Variants in COL25A1 observed in about 807,000 individuals in gnomAD.
The protein encoded by COL25A1 is collagen type XXV alpha 1 chain, also known as collagen alpha-1(XXV) chain.
COL25A1 carries 103 observed loss-of-function variants against 128.4 expected under a neutral mutation model. The observed-to-expected ratio is 0.80, with a 90% CI of 0.68 to 0.94. The LOEUF (loss-of-function observed/expected upper bound fraction) is 0.94, where lower values mean the gene tolerates loss of function less well. COL25A1 is among the 40% of genes least tolerant of loss of function. COL25A1 has a pLI of 0.00. For missense variants in COL25A1, 745 were observed against 840.0 expected, an observed-to-expected ratio of 0.89 and a Z score of 1.40; for synonymous variants, 279 against 277.2, an observed-to-expected ratio of 1.01 and a Z score of -0.06.
chr4:109,012,624 A>G (rs1281915396), intron 5 of COL25A1, among the ~76,000 whole-genome samples: 1 of 152,064 alleles, frequency 6.6e-6, no homozygotes, highest in Non-Finnish European at 1.5e-5. Flanking sequence ...CACCTGGGCC[A>G]GCAGCTGCAG....
chr4:108,989,701 T>G (rs573407879), intron 6 of COL25A1, among the ~76,000 whole-genome samples: 149 of 152,302 alleles, frequency 9.8e-4, no homozygotes, highest in African/African-American at 3.6e-3. Flanking sequence ...CTCACTGTGC[T>G]AACCAGATTT....
At chr4:108,952,831 C>CTTTTTTTTTT (rs59761040) in intron 8 of COL25A1, among the ~76,000 whole-genome samples, 1 of 66,958 alleles carries the variant, frequency 1.5e-5, no homozygotes, top group Non-Finnish European at 2.7e-5. Flanking sequence ...AAAAACTCAA[C>CTTTTTTTTTT]TTTTTTTTTT....
intron 3 of COL25A1, among the ~76,000 whole-genome samples, chr4:109,093,013 A>G (rs773636605): frequency 6.6e-6 from 1 of 152,152 alleles, no homozygotes; most frequent in Non-Finnish European, 1.5e-5. Flanking sequence ...TACAAAATCA[A>G]GTAAAATTAC....
At chr4:109,009,794 C>T (rs974755340) in intron 6 of COL25A1, among the ~76,000 whole-genome samples, 78 of 151,946 alleles carry the variant, frequency 5.1e-4, no homozygotes, top group African/African-American at 1.7e-3. Flanking sequence ...TTTGTATTTC[C>T]ATCTTCATGC....
intron 13 of COL25A1, among the ~76,000 whole-genome samples, chr4:108,915,250 C>T (rs534493590): frequency 4.6e-5 from 7 of 152,220 alleles, no homozygotes; most frequent in African/African-American, 1.2e-4. Flanking sequence ...GTAGGAAAAA[C>T]GTCACACCAA....
intron 3 of COL25A1, among the ~76,000 whole-genome samples, chr4:109,117,989 C>A (rs1767763743): frequency 6.6e-6 from 1 of 151,064 alleles, no homozygotes; most frequent in African/African-American, 2.4e-5. Context: ...CAATTAAAAC[C>A]AAAAAGGCAG....
intron 3 of COL25A1, among the ~76,000 whole-genome samples, chr4:109,275,367 C>T (rs919674308): frequency 6.6e-5 from 10 of 152,254 alleles, no homozygotes; most frequent in Non-Finnish European, 1.0e-4. Flanking sequence ...TTTGAACTGA[C>T]GGCTATGTGA....
At position 108,938,372 on chromosome 4, in the gene COL25A1, T is replaced by C. The variant is rs191278459; in HGVS notation, c.673-529A>G. ...TTTTGTCTTAAATTGCCAATAAATA[T>C]AGATATTGCTGGTCTTTCAAAATAA... On this transcript the variant is annotated intron_variant, in intron 10 of 37. Coordinates refer to ENST00000399132, the MANE Select transcript of COL25A1 (RefSeq NM_198721.4). Among the ~76,000 whole-genome samples the C allele has an allele frequency of 2.1e-3, 323 of 152,322 alleles. 1 individual carries two copies. Among genetic ancestry groups the C allele is most frequent in the African/African-American group, 7.2e-3 (299 of 41,576 alleles).
intron 8 of COL25A1, among the ~76,000 whole-genome samples, chr4:108,941,814 T>C (rs1381913511): frequency 1.3e-5 from 2 of 152,182 alleles, no homozygotes; most frequent in Non-Finnish European, 2.9e-5. Context: ...GTCAGACTTG[T>C]CAACCAGCAT....
chr4:108,826,246 A>T (rs192044864), intron 33 of COL25A1, among the ~76,000 whole-genome samples: 138 of 152,264 alleles, frequency 9.1e-4, no homozygotes, highest in Middle Eastern at 3.4e-3. Flanking sequence ...TGTGTAATTA[A>T]GAATTTTCAG....
chr4:108,889,662 T>C (rs751948597), intron 17 of COL25A1, 39 bp downstream of exon 17: 2 of 1,592,384 alleles, frequency 1.3e-6, no homozygotes, highest in South Asian at 2.2e-5. Flanking sequence ...ATCAGAACTG[T>C]AACTCCTGGA....
intron 30 of COL25A1, 93 bp downstream of exon 30, chr4:108,844,426 T>C: frequency 4.4e-6 from 7 of 1,607,800 alleles, no homozygotes; most frequent in African/African-American, 2.7e-5. Flanking sequence ...TAGTACAAAA[T>C]ACAAGCTGGC....
At chr4:108,875,556 G>T (rs533753345) in intron 19 of COL25A1, among the ~76,000 whole-genome samples, 1 of 152,136 alleles carries the variant, frequency 6.6e-6, no homozygotes, top group African/African-American at 2.4e-5. Context: ...AAAAAGTCAG[G>T]AAACAGCACA....
intron 3 of COL25A1, among the ~76,000 whole-genome samples, chr4:109,232,252 C>G (rs985274219): frequency 6.6e-6 from 1 of 152,114 alleles, no homozygotes; most frequent in African/African-American, 2.4e-5. Context: ...AAGTCTTTGG[C>G]ACAATATACT....
intron 4 of COL25A1, 109 bp from the exon 5 acceptor site, chr4:109,048,284 GA>G (rs1473446108): frequency 9.5e-7 from 1 of 1,056,108 alleles, no homozygotes; most frequent in African/African-American, 1.6e-5. Context: ...TGACATAATA[GA>G]CATGGAAGTT....
chr4:109,122,276 C>T (rs1010571649), intron 3 of COL25A1, among the ~76,000 whole-genome samples: 15 of 151,804 alleles, frequency 9.9e-5, no homozygotes, highest in African/African-American at 3.6e-4. Flanking sequence ...CTATGGACTC[C>T]GGGTGATAAT....
intron 18 of COL25A1, among the ~76,000 whole-genome samples, chr4:108,886,488 G>GGTTTTTTTTTT (rs1553960509): frequency 2.0e-5 from 1 of 49,426 alleles, no homozygotes; most frequent in African/African-American, 6.5e-5. Flanking sequence ...GTGTGTGTGT[G>GGTTTTTTTTTT]TGTGTTTAGC....
rs376126597 is a variant in COL25A1, at chr4:108,873,006, C to A, written c.1021-3856G>T. 1.2e-4 allele frequency among the ~76,000 whole-genome samples: 19 copies of A among 152,130 alleles called. No homozygotes were observed. In the East Asian group the frequency reaches 2.1e-3, roughly 17 times the overall value. On this transcript the variant is annotated intron_variant, in intron 19 of 37. Transcript: ENST00000399132. ...CCCCTGGGCTCAAAGGATCGTCCCA[C>A]CTCAGCTTCCTGAGTAGCTTGGACT...
chr4:109,160,433 G>A (rs909351966), intron 3 of COL25A1, among the ~76,000 whole-genome samples: 2 of 152,074 alleles, frequency 1.3e-5, no homozygotes, highest in African/African-American at 4.8e-5. Flanking sequence ...CTTGGAAATT[G>A]GCCATACTTA....
Sources: gnomAD v4.1 joint callset for allele counts (sites outside exome capture counted in the v4.1 genomes callset) on GRCh38, gnomAD v4.1.1 for gene constraint, MANE v1.5 for transcripts, NCBI Gene and HGNC (gene_info 2026-07-23, HGNC 2026-07-21) for gene names.